STAP2: variants seen among roughly 807,000 people sequenced by gnomAD.
The protein encoded by STAP2 is signal transducing adaptor family member 2.
In STAP2, 58 loss-of-function variants were observed where a neutral mutation model predicts 52.7. That is an observed-to-expected ratio of 1.10 (90% CI 0.89 to 1.37). The LOEUF is 1.37. STAP2 is among the 40% of genes most tolerant of loss of function. The pLI is 0.00. For synonymous variants in STAP2, 231 were observed against 210.5 expected, an observed-to-expected ratio of 1.10 and a Z score of -0.84; for missense variants, 522 against 519.4, an observed-to-expected ratio of 1.00 and a Z score of -0.05.
intron 11 of STAP2, 101 bp downstream of exon 11, chr19:4,325,115 G>A: frequency 9.3e-7 from 1 of 1,078,282 alleles, no homozygotes; most frequent in East Asian, 2.6e-5. Flanking sequence ...CTCCAGCCTG[G>A]GCGACAGAGT....
Position 4,327,186 on chromosome 19 carries a change from A to G in STAP2, c.701T>C (p.Val234Ala). 6.2e-7 allele frequency: 1 copy of G among 1,614,164 alleles called. No homozygotes were observed. Among genetic ancestry groups the G allele is most frequent in the South Asian group, 1.1e-5 (1 of 91,082 alleles). The change falls in exon 8 of 13, where the codon GTG (valine) becomes GCG (alanine). Residue 234 changes from valine (V) to alanine (A), a missense_variant. By Grantham distance (64) the Val-to-Ala change is moderately conservative (BLOSUM62 0). Coordinates refer to ENST00000594605, the MANE Select transcript of STAP2 (RefSeq NM_001013841.2). ...TSLDAVVNYF[V>A]SHTKKALVPF... is the part of the protein sequence containing the mutation. Reference sequence around the variant, plus strand: ...CACCAGCGCCTTTTTGGTATGCGACACGAAATAGTTGACCACGGCGTCCAG... The same window carrying G: ...CACCAGCGCCTTTTTGGTATGCGACGCGAAATAGTTGACCACGGCGTCCAG...
chr19:4,330,103 G>A (rs765660302), intron 4 of STAP2, 42 bp from the exon 5 acceptor site: 20 of 1,515,710 alleles, frequency 1.3e-5, no homozygotes, highest in Admixed American at 8.4e-5. Flanking sequence ...CTGGCCAGCC[G>A]GGAATGGACG....
intron 1 of STAP2, among the ~76,000 whole-genome samples, chr19:4,335,019 CATCCATCCACCT>C (rs1281117487): frequency 6.7e-6 from 1 of 150,164 alleles, no homozygotes; most frequent in African/African-American, 2.5e-5. Flanking sequence ...TCCATCCACC[CATCCATCCACCT>C]ATCCATCCAT....
At chr19:4,334,329 T>C (rs1358307129) in intron 1 of STAP2, among the ~76,000 whole-genome samples, 1 of 152,136 alleles carries the variant, frequency 6.6e-6, no homozygotes, top group Non-Finnish European at 1.5e-5. Flanking sequence ...TCTATAGAGA[T>C]GGGTGCTCTA....
chr19:4,334,784 G>GTCCACCCATCCATCCA (rs1971947034), intron 1 of STAP2, among the ~76,000 whole-genome samples: 1 of 7,238 alleles, frequency 1.4e-4, no homozygotes, highest in Admixed American at 1.4e-3. Flanking sequence ...ACATCCATCT[G>GTCCACCCATCCATCCA]TCCACCCATC....
chr19:4,328,896 C>G, intron 5 of STAP2, 87 bp from the exon 6 acceptor site: 1 of 1,505,680 alleles, frequency 6.6e-7, no homozygotes, highest in South Asian at 1.3e-5. Context: ...GAGACCCAGC[C>G]CCATCCCCAT....
At chr19:4,333,599 A>G in intron 3 of STAP2, 95 bp downstream of exon 3, 3 of 1,493,458 alleles carry the variant, frequency 2.0e-6, no homozygotes, top group Non-Finnish European at 2.7e-6. Flanking sequence ...GCCCTGTACT[A>G]CCTGCCCCTT....
Position 4,328,599 on chromosome 19 carries a change from G to A in STAP2, c.590+76C>T, listed in dbSNP as rs994034462. The A allele has an allele frequency of 5.2e-6, 8 of 1,526,678 alleles. 1 individual carries two copies. The South Asian group carries it at 7.3e-5, about 14-fold the overall frequency. The allele number at this position is 1,526,678 out of a possible 1,614,324, so 94.6% of individuals were successfully genotyped here. ...CACTAGCGGGTCGGACTCCGCCCCT[G>A]CTTCTGACCACGCCCCCGCGCCCAC... On this transcript the variant is annotated intron_variant, in intron 6 of 12. Coordinates refer to ENST00000594605, the MANE Select transcript of STAP2 (RefSeq NM_001013841.2).
intron 3 of STAP2, 120 bp from the exon 4 acceptor site, chr19:4,332,198 T>TC: frequency 8.2e-5 from 1 of 12,234 alleles, no homozygotes; most frequent in South Asian, 1.4e-3. Flanking sequence ...TTTTTCTTCT[T>TC]TTTTTTTTTT....
chr19:4,328,885 T>G, intron 5 of STAP2, 76 bp from the exon 6 acceptor site: 1 of 1,543,674 alleles, frequency 6.5e-7, no homozygotes. Context: ...CTGCCTCCTC[T>G]GAGACCCAGC....
At chr19:4,337,913 A>C (rs1184307233) in intron 1 of STAP2, among the ~76,000 whole-genome samples, 1 of 152,026 alleles carries the variant, frequency 6.6e-6, no homozygotes, top group African/African-American at 2.4e-5. Flanking sequence ...CCAGCTACTC[A>C]GGAGGCTGGG....
intron 1 of STAP2, among the ~76,000 whole-genome samples, chr19:4,334,900 TC>T (rs1971954865): frequency 8.8e-6 from 1 of 113,446 alleles, no homozygotes. Flanking sequence ...CATCCATCCA[TC>T]CACCCATCCA....
intron 3 of STAP2, 145 bp from the exon 4 acceptor site, chr19:4,332,223 G>A: frequency 1.7e-5 from 6 of 357,534 alleles, no homozygotes; most frequent in South Asian, 1.6e-4. Flanking sequence ...TTTTTTTTTT[G>A]AGATGGAGTC....
At chr19:4,338,388 G>A in intron 1 of STAP2, 1 of 304,942 alleles carries the variant, frequency 3.3e-6, no homozygotes, top group Admixed American at 4.9e-5. Context: ...AAGAGAGAGG[G>A]AGACTGAGAC....
intron 9 of STAP2, 128 bp downstream of exon 9, chr19:4,326,814 C>A: frequency 8.1e-7 from 1 of 1,234,380 alleles, no homozygotes; most frequent in South Asian, 1.4e-5. Context: ...GGGTCTGAGT[C>A]ATTTCTGTCC....
intron 1 of STAP2, 78 bp downstream of exon 1, chr19:4,338,574 G>T: frequency 2.2e-6 from 2 of 928,196 alleles, no homozygotes; most frequent in Non-Finnish European, 3.1e-6. Context: ...CTTGGCGAGT[G>T]GGGAGACAGG....
intron 4 of STAP2, 61 bp from the exon 5 acceptor site, chr19:4,330,122 C>T (rs2144786215): frequency 7.2e-7 from 1 of 1,383,364 alleles, no homozygotes; most frequent in African/African-American, 1.4e-5. Context: ...CGGCTGTGCC[C>T]AAGTCACAGA....
intron 1 of STAP2, among the ~76,000 whole-genome samples, chr19:4,336,144 T>C (rs1971977009): frequency 6.6e-6 from 1 of 151,902 alleles, no homozygotes; most frequent in Non-Finnish European, 1.5e-5. Context: ...CTCAAGTAGC[T>C]GGGATTACAA....
Position 4,338,632 on chromosome 19 carries a change from C to A in STAP2, c.102+20G>T, listed in dbSNP as rs749510434. On this transcript the variant is annotated intron_variant, in intron 1 of 12. Transcript: ENST00000594605. ...CCCCACGGTGGCCCAGCAGGGCCAG[C>A]CCCCGCCTCCCCACCTTACCCGGTC... 2 of 1,606,122 alleles carry A rather than the reference C, an allele frequency of 1.2e-6. No individual in the cohort carries two copies. Among genetic ancestry groups the A allele is most frequent in the East Asian group, 2.2e-5 (1 of 44,626 alleles).
Sources: allele counts gnomAD v4.1 joint callset (sites outside exome capture counted in the v4.1 genomes callset), GRCh38; gene constraint gnomAD v4.1.1; transcripts MANE v1.5; gene names NCBI Gene and HGNC (gene_info 2026-07-23, HGNC 2026-07-21).